WWOX: variants seen among roughly 807,000 people sequenced by gnomAD.
The protein encoded by WWOX is WW domain-containing oxidoreductase.
In WWOX, 69 loss-of-function variants were observed where a neutral mutation model predicts 46.2. That is an observed-to-expected ratio of 1.49 (90% CI 1.23 to 1.82). The LOEUF is 1.82. Ranked by LOEUF, WWOX falls within the 40% of genes most tolerant of loss-of-function variation. WWOX has a pLI of 0.00. For synonymous variants in WWOX, 359 were observed against 202.6 expected, an observed-to-expected ratio of 1.77 and a Z score of -6.56; for missense variants, 919 against 542.6, an observed-to-expected ratio of 1.69 and a Z score of -6.89.
In WWOX at chr16:78,376,156, C is replaced by T. The variant is rs181179654; in HGVS notation, c.517-10704C>T. Reference sequence around the variant, plus strand: ...TGAGCCACCACGCCCAGCCGCTTCTCGTAGATACTACCCAGGAATTTTCAC... The same window carrying T: ...TGAGCCACCACGCCCAGCCGCTTCTTGTAGATACTACCCAGGAATTTTCAC... On this transcript the variant is annotated intron_variant, in intron 5 of 8. Transcript: ENST00000566780. Among the ~76,000 whole-genome samples, 67 of 152,188 alleles carry T rather than the reference C, an allele frequency of 4.4e-4. 1 individual carries two copies. The East Asian group carries it at 0.011, about 26-fold the overall frequency.
chr16:78,778,063 A>C (rs915582581), intron 8 of WWOX, among the ~76,000 whole-genome samples: 2 of 151,518 alleles, frequency 1.3e-5, no homozygotes, highest in African/African-American at 2.4e-5. Flanking sequence ...AAAAAAAAAA[A>C]AGACATTTAC....
chr16:78,157,775 T>C (rs2151728455), intron 4 of WWOX, among the ~76,000 whole-genome samples: 1 of 152,336 alleles, frequency 6.6e-6, no homozygotes, highest in South Asian at 2.1e-4. Context: ...ATTAAAGTCA[T>C]TCAGCCCTCG....
chr16:78,633,734 T>G (rs1284940530), intron 8 of WWOX, among the ~76,000 whole-genome samples: 2 of 152,212 alleles, frequency 1.3e-5, no homozygotes, highest in African/African-American at 4.8e-5. Context: ...GGCCTGGCTT[T>G]CTTCTCCGAC....
rs544777090 is a variant in WWOX, at chr16:79,022,229, C to T, written c.1057-189379C>T. ...ATGGAGCTTTAGGCTGGGATCAGCG[C>T]CCAATGGGCTGGGATGACAAGTGCT... On this transcript the variant is annotated intron_variant, in intron 8 of 8. Coordinates refer to ENST00000566780, the MANE Select transcript of WWOX (RefSeq NM_016373.4). Among the ~76,000 whole-genome samples, 4 of 151,952 alleles carry T rather than the reference C, an allele frequency of 2.6e-5. No homozygotes were observed. In the South Asian group the frequency reaches 8.3e-4, roughly 32 times the overall value.
intron 8 of WWOX, among the ~76,000 whole-genome samples, chr16:79,094,271 T>C (rs2049024232): frequency 6.6e-6 from 1 of 151,808 alleles, no homozygotes; most frequent in Non-Finnish European, 1.5e-5. Context: ...TTTTTTTCTT[T>C]GATACGGGGT....
chr16:78,656,007 A>G (rs2047072022), intron 8 of WWOX, among the ~76,000 whole-genome samples: 1 of 152,226 alleles, frequency 6.6e-6, no homozygotes, highest in East Asian at 1.9e-4. Flanking sequence ...CACAACATTG[A>G]GTGAGGTCTA....
At chr16:78,318,219 G>A (rs2080393491) in intron 5 of WWOX, among the ~76,000 whole-genome samples, 1 of 151,276 alleles carries the variant, frequency 6.6e-6, no homozygotes, top group Non-Finnish European at 1.5e-5. Flanking sequence ...AAATGGCTGT[G>A]GAAACCCAGA....
chr16:78,540,189 T>C (rs1378899820), intron 8 of WWOX, among the ~76,000 whole-genome samples: 1 of 149,964 alleles, frequency 6.7e-6, no homozygotes, highest in Non-Finnish European at 1.5e-5. Context: ...AAAAGCAAAA[T>C]GGTAACAATA....
At chr16:78,820,452 T>C (rs938646386) in intron 8 of WWOX, among the ~76,000 whole-genome samples, 1 of 152,136 alleles carries the variant, frequency 6.6e-6, no homozygotes, top group African/African-American at 2.4e-5. Flanking sequence ...TAAATAAAAA[T>C]CTTTCTTACT....
At chr16:79,132,086 C>G (rs2049889799) in intron 8 of WWOX, among the ~76,000 whole-genome samples, 1 of 151,648 alleles carries the variant, frequency 6.6e-6, no homozygotes, top group Admixed American at 6.6e-5. Flanking sequence ...GGTGGGGACA[C>G]AGAGTCAAAC....
At chr16:78,506,695 GTTTTTTTTTTTTTTTTTTTTT>G (rs1159884484) in intron 8 of WWOX, 1 of 8,640 alleles carries the variant, frequency 1.2e-4, no homozygotes, top group South Asian at 4.8e-3. Flanking sequence ...CTTTTTGTGT[GTTTTTTTTTTTTTTTTTTTTT>G]TTTTTTTTTT....
chr16:78,860,471 T>C (rs1010877444), intron 8 of WWOX, among the ~76,000 whole-genome samples: 2 of 152,060 alleles, frequency 1.3e-5, no homozygotes, highest in African/African-American at 4.8e-5. Flanking sequence ...ATTTATTCAT[T>C]TATGCAAATT....
intron 8 of WWOX, among the ~76,000 whole-genome samples, chr16:78,726,441 C>T (rs578151677): frequency 6.6e-6 from 1 of 152,038 alleles, no homozygotes; most frequent in South Asian, 2.1e-4. Flanking sequence ...CCTGTGTTGG[C>T]CAGGCTGGTT....
chr16:78,100,367 C>T (rs1278601633), intron 1 of WWOX, among the ~76,000 whole-genome samples: 1 of 152,172 alleles, frequency 6.6e-6, no homozygotes, highest in Non-Finnish European at 1.5e-5. Context: ...ATCCTCTCAT[C>T]TCAGCCTCTT....
chr16:78,322,381 G>C (rs767277308), intron 5 of WWOX, among the ~76,000 whole-genome samples: 1 of 152,166 alleles, frequency 6.6e-6, no homozygotes, highest in Non-Finnish European at 1.5e-5. Flanking sequence ...TAAGGAAATA[G>C]TATATGATAA....
At chr16:78,445,166 C>T (rs79453811) in intron 8 of WWOX, among the ~76,000 whole-genome samples, 27 of 152,180 alleles carry the variant, frequency 1.8e-4, no homozygotes, top group African/African-American at 4.8e-4. Context: ...ATAAGCTGTC[C>T]TAGAGTCTGG....
At chr16:79,068,820 CAATAATAATAATAATAATAATAAT>C (rs61494401) in intron 8 of WWOX, among the ~76,000 whole-genome samples, 5 of 138,554 alleles carry the variant, frequency 3.6e-5, no homozygotes, top group African/African-American at 1.3e-4. Context: ...CAAAAAAACC[CAATAATAATAATAATAATAATAAT>C]AATAATAATA....
intron 8 of WWOX, among the ~76,000 whole-genome samples, chr16:78,764,468 A>G (rs1181995729): frequency 6.7e-6 from 1 of 149,266 alleles, no homozygotes; most frequent in African/African-American, 2.5e-5. Flanking sequence ...GGTTTGTAAA[A>G]TTAAGACTGT....
intron 5 of WWOX, among the ~76,000 whole-genome samples, chr16:78,327,978 G>C (rs1249954692): frequency 7.0e-6 from 1 of 143,600 alleles, no homozygotes; most frequent in African/African-American, 2.6e-5. Flanking sequence ...CTGGGCTCAA[G>C]CCAGCCGCCC....
Sources: allele counts gnomAD v4.1 joint callset (sites outside exome capture counted in the v4.1 genomes callset), GRCh38; gene constraint gnomAD v4.1.1; transcripts MANE v1.5; gene names NCBI Gene and HGNC (gene_info 2026-07-23, HGNC 2026-07-21).